Variants in PCDH9 observed in about 807,000 individuals in gnomAD.
PCDH9 encodes protocadherin 9, also known as protocadherin-9.
PCDH9 carries 24 observed loss-of-function variants against 70.6 expected under a neutral mutation model. That is an observed-to-expected ratio of 0.34 (90% CI 0.25 to 0.48). The LOEUF is 0.48. Ranked by LOEUF, PCDH9 falls within the 20% of genes least tolerant of loss-of-function variation. The pLI is 0.99. For synonymous variants in PCDH9, 562 were observed against 558.5 expected (o/e 1.01, Z -0.09); for missense variants, 1,281 against 1,503.6 (o/e 0.85, Z 2.45).
intron 3 of PCDH9, among the ~76,000 whole-genome samples, chr13:66,903,194 T>C (rs1052646458): frequency 6.6e-6 from 1 of 151,810 alleles, no homozygotes; most frequent in African/African-American, 2.4e-5. Flanking sequence ...ATCCAGAACA[T>C]CTAGCTTTAA....
intron 4 of PCDH9, among the ~76,000 whole-genome samples, chr13:66,479,842 T>G (rs538481596): frequency 6.6e-6 from 1 of 152,112 alleles, no homozygotes; most frequent in Non-Finnish European, 1.5e-5. Flanking sequence ...CAATCAGTGC[T>G]CTGTAAAATA....
At position 67,140,029 on chromosome 13, in the gene PCDH9, C is replaced by G. The variant is rs980369095; in HGVS notation, c.3036+85376G>C. Among the ~76,000 whole-genome samples the G allele has an allele frequency of 7.5e-5, 8 of 106,492 alleles. 1 individual carries two copies. Among genetic ancestry groups the G allele is most frequent in the East Asian group, 3.8e-4 (1 of 2,634 alleles). 69.9% of individuals were successfully genotyped at this position (106,492 alleles called of 152,430 possible). The stretch of plus-strand genomic sequence containing the variant: ...TGAAAATGTGATTTTTTGATCACCC[C>G]CCCCCCCCCGCCCATTGTGTTATTT... On this transcript the variant is annotated intron_variant, in intron 2 of 4. Transcript: ENST00000377865.
chr13:66,758,957 C>T (rs1470156311), intron 3 of PCDH9, among the ~76,000 whole-genome samples: 1 of 151,936 alleles, frequency 6.6e-6, no homozygotes, highest in Non-Finnish European at 1.5e-5. Flanking sequence ...ATTTCTGTGG[C>T]ATTAATTATA....
chr13:66,623,029 A>C (rs1393725880), intron 4 of PCDH9, among the ~76,000 whole-genome samples: 3 of 152,190 alleles, frequency 2.0e-5, no homozygotes, highest in African/African-American at 4.8e-5. Context: ...TCACTCCTGA[A>C]GCCCGCGAGA....
In PCDH9 at chr13:66,968,492, G is replaced by A. The variant is rs1261502427; in HGVS notation, c.3037-64887C>T. ...TTAAGATGAGATGTTGTCAAATCAC[G>A]ACTCCTTCGACCTTGCTTCTTTTAT... On this transcript the variant is annotated intron_variant, in intron 2 of 4. Coordinates refer to ENST00000377865, the MANE Select transcript of PCDH9 (RefSeq NM_203487.3). Among the ~76,000 whole-genome samples the A allele has an allele frequency of 3.9e-5, 6 of 151,924 alleles. 1 individual carries two copies. Among genetic ancestry groups the A allele is most frequent in the Admixed American group, 2.6e-4 (4 of 15,220 alleles).
intron 3 of PCDH9, among the ~76,000 whole-genome samples, chr13:66,817,455 T>C (rs2080628156): frequency 6.6e-6 from 1 of 152,166 alleles, no homozygotes; most frequent in Non-Finnish European, 1.5e-5. Context: ...TGTCTTACAA[T>C]ACTCATAGAT....
chr13:66,352,283 T>C (rs1233352963), intron 4 of PCDH9, among the ~76,000 whole-genome samples: 1 of 152,204 alleles, frequency 6.6e-6, no homozygotes, highest in African/African-American at 2.4e-5. Flanking sequence ...CTTCATCTAA[T>C]TCAGAGGGTT....
At chr13:67,091,774 T>G (rs1158301392) in intron 2 of PCDH9, among the ~76,000 whole-genome samples, 2 of 152,184 alleles carry the variant, frequency 1.3e-5, no homozygotes, top group Non-Finnish European at 2.9e-5. Context: ...AATTTACTGT[T>G]AATAGTTCCT....
Position 67,227,100 on chromosome 13 carries a change from G to A in PCDH9, c.1341C>T (p.Pro447=). Residue 447 remains proline (P), a synonymous_variant, in exon 2 of 5, where the codon CCC becomes CCT. Transcript: ENST00000377865. The surrounding 1 kb of genome is among the most constrained non-coding windows in gnomAD (Gnocchi z 4.6). ...FKIVASDSGK[P]SLNQTALVRV... ...TTACCAGGGCAGTCTGATTTAAACT[G>A]GGCTTCCCAGAATCAGAGGCAACAA... 1 of 1,614,016 alleles carries A rather than the reference G, an allele frequency of 6.2e-7. No homozygotes were observed.
intron 3 of PCDH9, among the ~76,000 whole-genome samples, chr13:66,689,444 G>A (rs1280808681): frequency 6.6e-6 from 1 of 152,154 alleles, no homozygotes; most frequent in African/African-American, 2.4e-5. Flanking sequence ...TGGAGTACAT[G>A]ACAGCTTAGA....
chr13:66,743,389 A>C lies in PCDH9; in HGVS notation c.3139-111978T>G, dbSNP rs186118884. On this transcript the variant is annotated intron_variant, in intron 3 of 4. Transcript: ENST00000377865. Reference sequence around the variant, plus strand: ...GGGATAGCATTGGGAGATACACCTAAGGCTAGATGACGAGTTAGTGGGTGC... The same window carrying C: ...GGGATAGCATTGGGAGATACACCTACGGCTAGATGACGAGTTAGTGGGTGC... Among the ~76,000 whole-genome samples the C allele has an allele frequency of 2.3e-3, 334 of 143,190 alleles. 2 individuals carry two copies. The highest frequency in any genetic ancestry group is 7.9e-3 in the African/African-American group (305 of 38,614). The allele number at this position is 143,190 out of a possible 152,430, so 93.9% of individuals were successfully genotyped here.
intron 2 of PCDH9, among the ~76,000 whole-genome samples, chr13:67,120,216 A>AT (rs71110628): frequency 6.0e-5 from 9 of 149,628 alleles, no homozygotes; most frequent in South Asian, 2.1e-4. Context: ...AATAATAATA[A>AT]AGGGTCTGAA....
intron 4 of PCDH9, among the ~76,000 whole-genome samples, chr13:66,401,351 G>GT (rs5804280): frequency 8.0e-5 from 12 of 150,756 alleles, no homozygotes; most frequent in Middle Eastern, 3.4e-3. Flanking sequence ...GGTTTTATGA[G>GT]TTTTTTTTTC....
intron 2 of PCDH9, among the ~76,000 whole-genome samples, chr13:67,139,577 G>A (rs941775177): frequency 1.3e-5 from 2 of 152,072 alleles, no homozygotes; most frequent in African/African-American, 2.4e-5. Context: ...GTAAGATTTC[G>A]AACATATCTC....
At chr13:66,717,646 C>T (rs2078889166) in intron 3 of PCDH9, among the ~76,000 whole-genome samples, 1 of 151,672 alleles carries the variant, frequency 6.6e-6, no homozygotes, top group Admixed American at 6.6e-5. Context: ...CCGCCTTTAA[C>T]ATTGCCTTTA....
At chr13:66,310,574 C>CT (rs1955544452) in intron 4 of PCDH9, among the ~76,000 whole-genome samples, 1 of 151,944 alleles carries the variant, frequency 6.6e-6, no homozygotes, top group African/African-American at 2.4e-5. Flanking sequence ...ATTTGAAACC[C>CT]TTTAATACCA....
At chr13:66,387,587 G>C (rs902623654) in intron 4 of PCDH9, among the ~76,000 whole-genome samples, 1 of 146,660 alleles carries the variant, frequency 6.8e-6, no homozygotes, top group South Asian at 2.1e-4. Flanking sequence ...TCCTTTCTCC[G>C]TCTCATCCTT....
intron 2 of PCDH9, among the ~76,000 whole-genome samples, chr13:66,980,595 GTTT>G (rs912139282): frequency 3.1e-4 from 47 of 151,468 alleles, no homozygotes; most frequent in Middle Eastern, 6.8e-3. Context: ...TTTCTCATAT[GTTT>G]TTATTTTTCC....
intron 2 of PCDH9, among the ~76,000 whole-genome samples, chr13:67,103,770 T>C (rs2086480223): frequency 1.3e-5 from 2 of 152,146 alleles, no homozygotes; most frequent in Non-Finnish European, 2.9e-5. Flanking sequence ...GCATGGGGAC[T>C]TGAATGCTTG....
Sources: allele counts gnomAD v4.1 joint callset (sites outside exome capture counted in the v4.1 genomes callset), GRCh38; gene constraint gnomAD v4.1.1; non-coding constraint Gnocchi (gnomAD v3.1); transcripts MANE v1.5; gene names NCBI Gene and HGNC (gene_info 2026-07-23, HGNC 2026-07-21).